NUTF2: variants seen among roughly 807,000 people sequenced by gnomAD.
NUTF2 encodes the protein placental protein 15.
In NUTF2, 3 loss-of-function variants were observed where a neutral mutation model predicts 18.5. That is an observed-to-expected ratio of 0.16 (90% CI 0.07 to 0.42). NUTF2 has a LOEUF of 0.42. Ranked by LOEUF, NUTF2 falls within the 10% of genes least tolerant of loss-of-function variation. NUTF2 has a pLI of 0.99. For synonymous variants in NUTF2, 51 were observed against 57.9 expected (o/e 0.88, Z 0.54); for missense variants, 44 against 160.7 (o/e 0.27, Z 3.93).
At chr16:67,852,243 G>A (rs1452821521) in intron 1 of NUTF2, among the ~76,000 whole-genome samples, 1 of 152,030 alleles carries the variant, frequency 6.6e-6, no homozygotes, top group Non-Finnish European at 1.5e-5. Flanking sequence ...TCAAGGAACC[G>A]TGAGCTATGA....
In NUTF2 at chr16:67,850,655, C is replaced by G. The variant is rs139134386; in HGVS notation, c.-30+3670C>G. ...GAGGTTCTCCAGGATCTATCTGCAT[C>G]CTCTATTCATGTAGGGCTGACTTGG... On this transcript the variant is annotated intron_variant, in intron 1 of 4. Coordinates refer to ENST00000219169, the MANE Select transcript of NUTF2 (RefSeq NM_005796.3). Among the ~76,000 whole-genome samples, 1,232 of 152,258 alleles carry G rather than the reference C, an allele frequency of 8.1e-3. 8 individuals carry two copies. Among genetic ancestry groups the G allele is most frequent in the African/African-American group, 0.023 (945 of 41,550 alleles).
intron 1 of NUTF2, 38 bp from the exon 2 acceptor site, chr16:67,865,064 G>T (rs570106304): frequency 1.9e-6 from 2 of 1,070,222 alleles, no homozygotes; most frequent in South Asian, 2.6e-5. Flanking sequence ...TACTCTCATG[G>T]TACCAATGCT....
At chr16:67,854,441 G>T (rs542947053) in intron 1 of NUTF2, among the ~76,000 whole-genome samples, 1 of 152,238 alleles carries the variant, frequency 6.6e-6, no homozygotes, top group South Asian at 2.1e-4. Context: ...GGTCAGGGAG[G>T]CTCCTTGGAT....
chr16:67,859,795 C>CTT (rs34914554), intron 1 of NUTF2, among the ~76,000 whole-genome samples: 5 of 45,608 alleles, frequency 1.1e-4, no homozygotes, highest in Non-Finnish European at 1.8e-4. Context: ...TGCGCCAGGC[C>CTT]TTTTTTTTTT....
At chr16:67,849,208 A>C (rs2057832860) in intron 1 of NUTF2, among the ~76,000 whole-genome samples, 1 of 152,244 alleles carries the variant, frequency 6.6e-6, no homozygotes, top group Non-Finnish European at 1.5e-5. Flanking sequence ...TGAAATCTAG[A>C]ACTAGAAGCA....
In NUTF2 at chr16:67,868,485, ACTCT is replaced by A; in HGVS notation, c.172-9_172-6del. 1.2e-6 allele frequency: 2 copies of A among 1,613,152 alleles called. No homozygotes were observed. The highest frequency in any genetic ancestry group is 1.7e-6 in the Non-Finnish European group (2 of 1,179,634). On this transcript the variant is annotated splice_polypyrimidine_tract_variant and intron_variant, in intron 3 of 4. Coordinates refer to ENST00000219169, the MANE Select transcript of NUTF2 (RefSeq NM_005796.3). ...TCTGGCCTTGGTTCTCCCACCTCCC[ACTCT>A]CTCTCTTGTAGAGCCTTCCGTTCCA...
rs748877034 is a variant in NUTF2 at position 67,868,360 on chromosome 16, G to A, written c.120G>A (p.Thr40=). 73 of 1,613,946 alleles carry A rather than the reference G, an allele frequency of 4.5e-5. No individual in the cohort carries two copies. Among genetic ancestry groups the A allele is most frequent in the Non-Finnish European group, 5.8e-5 (68 of 1,180,014 alleles). ...GAIYIDASCL[T]WEGQQFQGKA... is the part of the protein sequence containing the mutation. ...TTCAGATTGACGCGTCATGCCTTAC[G>A]TGGGAAGGACAACAGTTCCAGGGGA... is the stretch of plus-strand genomic sequence containing the variant. Residue 40 remains threonine, a synonymous_variant, in exon 3 of 5, where the codon ACG becomes ACA. Transcript: ENST00000219169.
intron 1 of NUTF2, among the ~76,000 whole-genome samples, chr16:67,852,760 AC>A (rs2057869521): frequency 6.6e-6 from 1 of 151,360 alleles, no homozygotes; most frequent in South Asian, 2.1e-4. Context: ...GCTCACTGCA[AC>A]CTCTGCCTCC....
At chr16:67,863,508 G>T (rs746414288) in intron 1 of NUTF2, among the ~76,000 whole-genome samples, 1 of 152,156 alleles carries the variant, frequency 6.6e-6, no homozygotes, top group African/African-American at 2.4e-5. Flanking sequence ...GAGGTCACAC[G>T]GACTGGAGTG....
At chr16:67,867,739 T>C (rs1388502100) in intron 2 of NUTF2, among the ~76,000 whole-genome samples, 1 of 152,144 alleles carries the variant, frequency 6.6e-6, no homozygotes, top group Non-Finnish European at 1.5e-5. Flanking sequence ...CAGGCTGGAG[T>C]GCAGTGGTGC....
intron 1 of NUTF2, among the ~76,000 whole-genome samples, chr16:67,850,744 G>A (rs1406210260): frequency 1.3e-5 from 2 of 152,136 alleles, no homozygotes; most frequent in Admixed American, 6.6e-5. Context: ...GATACAAGAT[G>A]CCTCAGTTCT....
chr16:67,865,862 G>T (rs561101957), intron 2 of NUTF2, among the ~76,000 whole-genome samples: 3 of 152,086 alleles, frequency 2.0e-5, no homozygotes, highest in South Asian at 4.2e-4. Context: ...GGGATTACAG[G>T]CGCCTGCCCC....
chr16:67,868,290 A>T (rs997545433), intron 2 of NUTF2, 50 bp from the exon 3 acceptor site: 6 of 1,543,176 alleles, frequency 3.9e-6, no homozygotes, highest in Non-Finnish European at 4.5e-6. Flanking sequence ...GGCCTTAGAG[A>T]TACTTGTACT....
intron 2 of NUTF2, 73 bp downstream of exon 2, chr16:67,865,302 C>A (rs1470997840): frequency 1.8e-6 from 2 of 1,097,316 alleles, no homozygotes; most frequent in African/African-American, 1.5e-5. Context: ...GTGTCCAGTT[C>A]ACAAGTTCTG....
chr16:67,866,434 T>TC (rs1318715629), intron 2 of NUTF2, among the ~76,000 whole-genome samples: 1 of 150,830 alleles, frequency 6.6e-6, no homozygotes, highest in Non-Finnish European at 1.5e-5. Flanking sequence ...GCCTCAGGAG[T>TC]AGCTGAGGCT....
chr16:67,847,471 C>T (rs1328184649), intron 1 of NUTF2: 1 of 152,296 alleles, frequency 6.6e-6, no homozygotes, highest in Non-Finnish European at 1.5e-5. Flanking sequence ...GGGCGCCCGC[C>T]TGCCGCAGCC....
At chr16:67,851,631 G>A (rs992621696) in intron 1 of NUTF2, among the ~76,000 whole-genome samples, 2 of 152,046 alleles carry the variant, frequency 1.3e-5, no homozygotes, top group African/African-American at 2.4e-5. Context: ...TACATTAGGT[G>A]TATCTCCTAA....
intron 1 of NUTF2, among the ~76,000 whole-genome samples, chr16:67,851,177 A>G (rs575273015): frequency 6.6e-6 from 1 of 151,968 alleles, no homozygotes; most frequent in African/African-American, 2.4e-5. Context: ...GAGGGGAATA[A>G]TTACTTAAGA....
chr16:67,868,629 G>A (rs2057990869), intron 4 of NUTF2, 30 bp downstream of exon 4: 1 of 1,598,666 alleles, frequency 6.3e-7, no homozygotes, highest in East Asian at 2.2e-5. Context: ...GGTAGGGAGG[G>A]GTGGGCAGGC....
Sources: allele counts gnomAD v4.1 joint callset (sites outside exome capture counted in the v4.1 genomes callset), GRCh38; gene constraint gnomAD v4.1.1; transcripts MANE v1.5; gene names NCBI Gene and HGNC (gene_info 2026-07-23, HGNC 2026-07-21).